The following PPP3CB variants were observed in gnomAD, a reference collection of about 807,000 sequenced individuals.
PPP3CB encodes the protein protein phosphatase 3 catalytic subunit beta.
PPP3CB carries 8 observed loss-of-function variants against 66.4 expected under a neutral mutation model. The ratio of observed to expected loss-of-function variants is 0.12; its 90% CI spans 0.07 to 0.22. The LOEUF (loss-of-function observed/expected upper bound fraction) is 0.22, where lower values mean the gene tolerates loss of function less well. Ranked by LOEUF, PPP3CB falls within the 10% of genes least tolerant of loss-of-function variation. The pLI, the probability that PPP3CB is intolerant of heterozygous loss-of-function variation, is 1.00. For missense variants in PPP3CB, 319 were observed against 642.5 expected (o/e 0.50, Z 5.44); for synonymous variants, 208 against 221.2 (o/e 0.94, Z 0.53).
intron 1 of PPP3CB, among the ~76,000 whole-genome samples, chr10:73,488,258 A>T (rs1288439705): frequency 1.3e-5 from 2 of 152,128 alleles, no homozygotes; most frequent in Non-Finnish European, 2.9e-5. Flanking sequence ...CAAAAGGCTG[A>T]TCATGGCTGG....
chr10:73,444,587 T>TAC, intron 12 of PPP3CB, 138 bp downstream of exon 12: 1 of 1,552,324 alleles, frequency 6.4e-7, no homozygotes, highest in Non-Finnish European at 8.7e-7. Context: ...GCTAATACAG[T>TAC]ACCCTGTCTA....
intron 4 of PPP3CB, among the ~76,000 whole-genome samples, chr10:73,472,303 T>C (rs1488248330): frequency 6.6e-6 from 1 of 152,144 alleles, no homozygotes; most frequent in East Asian, 1.9e-4. Context: ...GAGACCAGTC[T>C]GGCCAACATG....
chr10:73,485,242 G>T (rs541601145), intron 1 of PPP3CB, among the ~76,000 whole-genome samples: 1 of 152,228 alleles, frequency 6.6e-6, no homozygotes, highest in Non-Finnish European at 1.5e-5. Flanking sequence ...CACATTTAAT[G>T]TATGGTGGCT....
chr10:73,484,881 G>A (rs189180986), intron 1 of PPP3CB, among the ~76,000 whole-genome samples: 300 of 151,550 alleles, frequency 2.0e-3, no homozygotes, highest in Non-Finnish European at 3.7e-3. Flanking sequence ...GTGAAACCTT[G>A]TCTCTACTAA....
At chr10:73,481,369 G>A (rs111946288) in intron 1 of PPP3CB, among the ~76,000 whole-genome samples, 1 of 151,268 alleles carries the variant, frequency 6.6e-6, no homozygotes, top group African/African-American at 2.4e-5. Flanking sequence ...CTACTCAAGA[G>A]GGTGACGCAG....
chr10:73,439,937 G>A, intron 12 of PPP3CB, 36 bp from the exon 13 acceptor site: 1 of 1,591,272 alleles, frequency 6.3e-7, no homozygotes, highest in Non-Finnish European at 8.6e-7. Flanking sequence ...CAAAATGAAT[G>A]AGAGAGATGA....
At chr10:73,457,654 C>G (rs1396447418) in intron 9 of PPP3CB, among the ~76,000 whole-genome samples, 1 of 151,118 alleles carries the variant, frequency 6.6e-6, no homozygotes, top group African/African-American at 2.4e-5. Context: ...AGGAGAATCG[C>G]TTGAATCTGG....
At chr10:73,458,627 G>T (rs1211138883) in intron 9 of PPP3CB, among the ~76,000 whole-genome samples, 1 of 150,840 alleles carries the variant, frequency 6.6e-6, no homozygotes, top group Admixed American at 6.6e-5. Context: ...GCGAAACCCT[G>T]TCTCTATATT....
At chr10:73,493,951 G>A (rs1376383787) in intron 1 of PPP3CB, among the ~76,000 whole-genome samples, 1 of 152,070 alleles carries the variant, frequency 6.6e-6, no homozygotes. Flanking sequence ...TATATGACAA[G>A]GAATAAGAAG....
In PPP3CB at chr10:73,479,369, A is replaced by G; in HGVS notation, c.234T>C (p.Ala78=). 1.2e-6 allele frequency: 2 copies of G among 1,614,142 alleles called. No individual in the cohort carries two copies. Among genetic ancestry groups the G allele is most frequent in the East Asian group, 4.5e-5 (2 of 44,864 alleles). The change falls in exon 2 of 14, where the codon GCT becomes GCC. Residue 78 remains alanine (A), a synonymous_variant. Coordinates refer to ENST00000360663, the MANE Select transcript of PPP3CB (RefSeq NM_021132.4). ...TGGTTTTCTCTCTCCGAAGGATGGC[A>G]GCACCCTCATTGATAATTCTAAGCG... ...EIALRIINEG[A]AILRREKTMI...
chr10:73,477,662 A>G (rs923871902), intron 3 of PPP3CB, among the ~76,000 whole-genome samples: 3 of 152,210 alleles, frequency 2.0e-5, no homozygotes, highest in African/African-American at 7.2e-5. Flanking sequence ...CACATCTGTA[A>G]TCTCAACACT....
At chr10:73,487,429 T>C (rs1198178677) in intron 1 of PPP3CB, among the ~76,000 whole-genome samples, 4 of 151,498 alleles carry the variant, frequency 2.6e-5, no homozygotes, top group Non-Finnish European at 5.9e-5. Context: ...ATGCCTATAA[T>C]CCCAGCTACT....
intron 1 of PPP3CB, among the ~76,000 whole-genome samples, chr10:73,481,456 G>A (rs1391126957): frequency 6.6e-6 from 1 of 150,828 alleles, no homozygotes. Flanking sequence ...CTGGTCGACA[G>A]TGAGACTCCA....
In PPP3CB at chr10:73,463,759, CA is replaced by C. The variant is rs545285774; in HGVS notation, c.1108+3793del. ...CTGGGTTCACGCCATTCTCCTGCCT[CA>C]GCCTCCTGAGTAGCTGGGATTACAG... On this transcript the variant is annotated intron_variant, in intron 9 of 13. Coordinates refer to ENST00000360663, the MANE Select transcript of PPP3CB (RefSeq NM_021132.4). Among the ~76,000 whole-genome samples the C allele has an allele frequency of 2.2e-3, 331 of 151,816 alleles. 1 individual carries two copies. Among genetic ancestry groups the C allele is most frequent in the Non-Finnish European group, 3.3e-3 (224 of 67,900 alleles).
At chr10:73,468,649 A>C (rs2056656503) in intron 8 of PPP3CB, among the ~76,000 whole-genome samples, 1 of 152,212 alleles carries the variant, frequency 6.6e-6, no homozygotes, top group South Asian at 2.1e-4. Flanking sequence ...AATGAAAAGC[A>C]CTGAAATGCA....
At chr10:73,452,021 C>T (rs1310277065) in intron 10 of PPP3CB, among the ~76,000 whole-genome samples, 2 of 151,718 alleles carry the variant, frequency 1.3e-5, no homozygotes, top group East Asian at 2.0e-4. Context: ...GCTGGGATTA[C>T]AGGCGTGAGC....
chr10:73,491,366 T>A (rs960756049), intron 1 of PPP3CB, among the ~76,000 whole-genome samples: 1 of 151,684 alleles, frequency 6.6e-6, no homozygotes, highest in Admixed American at 6.6e-5. Flanking sequence ...GGTTTCACCA[T>A]GTTGGCCAGG....
chr10:73,486,056 C>T (rs578191478), intron 1 of PPP3CB, among the ~76,000 whole-genome samples: 1 of 152,122 alleles, frequency 6.6e-6, no homozygotes, highest in Non-Finnish European at 1.5e-5. Context: ...AGCGATTCTC[C>T]TGCCTCAGCC....
chr10:73,484,425 C>G (rs1186944364), intron 1 of PPP3CB, among the ~76,000 whole-genome samples: 1 of 151,888 alleles, frequency 6.6e-6, no homozygotes, highest in East Asian at 2.0e-4. Flanking sequence ...CACCTGCCAC[C>G]ACGCCCAGCT....
Sources: gnomAD v4.1 joint callset for allele counts (sites outside exome capture counted in the v4.1 genomes callset) on GRCh38, gnomAD v4.1.1 for gene constraint, MANE v1.5 for transcripts, NCBI Gene and HGNC (gene_info 2026-07-23, HGNC 2026-07-21) for gene names.